The following PKMYT1 variants were observed in gnomAD, a reference collection of about 807,000 sequenced individuals.
PKMYT1 encodes membrane-associated tyrosine- and threonine-specific cdc2-inhibitory kinase.
In PKMYT1, 35 loss-of-function variants were observed where a neutral mutation model predicts 49.7. That is an observed-to-expected ratio of 0.70 (90% confidence interval 0.54 to 0.93). PKMYT1 has a LOEUF of 0.93. Ranked by LOEUF, PKMYT1 falls within the 40% of genes least tolerant of loss-of-function variation. The pLI is 0.00. For missense variants in PKMYT1, 677 were observed against 673.1 expected (o/e 1.01, Z -0.06); for synonymous variants, 331 against 287.6 (o/e 1.15, Z -1.53).
chr16:2,974,333 G>A lies in PKMYT1; in HGVS notation c.1064C>T (p.Ala355Val), dbSNP rs754598670. 1.1e-5 allele frequency: 18 copies of A among 1,607,402 alleles called. No homozygotes were observed. The highest frequency in any genetic ancestry group is 2.5e-6 in the Non-Finnish European group (3 of 1,177,668). Reference sequence around the variant, plus strand: ...CCGCGGCTGCCTCAACACAGGCAGTGCCAGCAGGGCCTCGGCCGTGGCCCG... The same window carrying A: ...CCGCGGCTGCCTCAACACAGGCAGTACCAGCAGGGCCTCGGCCGTGGCCCG... ...KLRATAEALL[A>V]LPVLRQPRAW... The change falls in exon 6 of 9, where the codon GCA (alanine) becomes GTA (valine). Residue 355 changes from alanine (A) to valine (V), a missense_variant. Coordinates refer to ENST00000262300, the MANE Select transcript of PKMYT1 (RefSeq NM_004203.5).
rs1233133362 is a variant in PKMYT1, at chr16:2,974,314, C to G, written c.1083G>C (p.Gln361His). 3 of 1,599,914 alleles carry G rather than the reference C, an allele frequency of 1.9e-6. No individual in the cohort carries two copies. ...ACCACAGCACACCCCAGGCCCGCGG[C>G]TGCCTCAACACAGGCAGTGCCAGCA... The part of the protein sequence containing the change: ...EALLALPVLR[Q>H]PRAWGVLWCM... Residue 361 changes from glutamine (Q) to histidine (H), a missense_variant, in exon 6 of 9, where the codon CAG becomes CAC. Transcript: ENST00000262300.
At chr16:2,973,318 A>G in intron 7 of PKMYT1, 103 bp from the exon 8 acceptor site, 1 of 1,520,082 alleles carries the variant, frequency 6.6e-7, no homozygotes, top group Non-Finnish European at 8.8e-7. Context: ...CCTGACAAAC[A>G]GGCAGGGAGC....
At chr16:2,973,419 C>G in intron 7 of PKMYT1, 1 of 1,533,670 alleles carries the variant, frequency 6.5e-7, no homozygotes, top group South Asian at 1.2e-5. Flanking sequence ...CTCCAAGGCC[C>G]CCTCTGTCCT....
intron 4 of PKMYT1, 34 bp downstream of exon 4, chr16:2,975,285 G>A (rs750415146): frequency 1.3e-6 from 2 of 1,564,198 alleles, no homozygotes; most frequent in Non-Finnish European, 1.7e-6. Flanking sequence ...GCCTCCCACA[G>A]CCTGCCAAAC....
chr16:2,972,907 G>C lies in PKMYT1; in HGVS notation c.*46C>G. On this transcript the variant is annotated 3_prime_UTR_variant, in exon 9 of 9. Transcript: ENST00000262300. ...GCCCCAGCTTTCAAGGGCGACGGGA[G>C]AGACACAGGATAAAAGGTTAAAAGT... The C allele has an allele frequency of 6.4e-7, 1 of 1,562,774 alleles. No individual in the cohort carries two copies. Among genetic ancestry groups the C allele is most frequent in the Non-Finnish European group, 8.7e-7 (1 of 1,151,086 alleles).
chr16:2,976,090 C>T, intron 3 of PKMYT1: 1 of 430,944 alleles, frequency 2.3e-6, no homozygotes, highest in Non-Finnish European at 4.1e-6. Context: ...GAAAAAGCAG[C>T]TGCAGAGCAA....
intron 7 of PKMYT1, chr16:2,973,725 C>G (rs1000174286): frequency 3.7e-6 from 2 of 547,168 alleles, no homozygotes; most frequent in African/African-American, 3.8e-5. Context: ...TATCCCTGGG[C>G]ACTGGCAGCC....
chr16:2,979,607 T>A, intron 2 of PKMYT1, 41 bp downstream of exon 2: 1 of 1,547,332 alleles, frequency 6.5e-7, no homozygotes. Flanking sequence ...GGCCTGTGCA[T>A]CTTAACCCAG....
In PKMYT1 at chr16:2,979,683, T is replaced by G; in HGVS notation, c.-26A>C. 1 of 1,613,848 alleles carries G rather than the reference T, an allele frequency of 6.2e-7. No individual in the cohort carries two copies. On this transcript the variant is annotated 5_prime_UTR_variant, in exon 2 of 9. Transcript: ENST00000262300. ...GACTGGCCTGGCCCAACAGCCTCAGTGGTGGGACGGGGGAGGCAGGAGCAG... is the reference window on the plus strand; with the variant it reads ...GACTGGCCTGGCCCAACAGCCTCAGGGGTGGGACGGGGGAGGCAGGAGCAG...
chr16:2,977,301 G>C, intron 2 of PKMYT1: 1 of 1,281,474 alleles, frequency 7.8e-7, no homozygotes, highest in Non-Finnish European at 1.0e-6. Context: ...TTGCAGTCGG[G>C]TTAAGAGCAA....
intron 5 of PKMYT1, 65 bp downstream of exon 5, chr16:2,974,485 C>A: frequency 6.5e-7 from 1 of 1,537,718 alleles, no homozygotes; most frequent in Non-Finnish European, 8.8e-7. Flanking sequence ...AGCAGTGCCT[C>A]CATGGCCAGC....
At position 2,976,803 on chromosome 16, in the gene PKMYT1, C is replaced by T. The variant is rs558592733; in HGVS notation, c.239G>A (p.Arg80Gln). 29 of 1,575,844 alleles carry T rather than the reference C, an allele frequency of 1.8e-5. No homozygotes were observed. Among genetic ancestry groups the T allele is most frequent in the South Asian group, 3.4e-5 (3 of 87,020 alleles). Residue 80 changes from arginine (R) to glutamine (Q), a missense_variant, in exon 3 of 9, where the codon CGG (arginine) becomes CAG (glutamine). Coordinates refer to ENST00000262300, the MANE Select transcript of PKMYT1 (RefSeq NM_004203.5). ...RTPGWHQLQP[R>Q]RVSFRGEASE... is the part of the protein sequence containing the mutation. ...GGCCTCGCCCCGGAATGACACCCGC[C>T]GGGGCTGCAGCTGGTGCCAGCCTGG...
At chr16:2,973,850 G>A in intron 7 of PKMYT1, 150 bp downstream of exon 7, 1 of 878,298 alleles carries the variant, frequency 1.1e-6, no homozygotes, top group South Asian at 1.7e-5. Flanking sequence ...GCCTGGCCAG[G>A]CCACACACCC....
chr16:2,974,113 G>T lies in PKMYT1; in HGVS notation c.1197C>A (p.His399Gln), dbSNP rs1302821619. The change falls in exon 7 of 9, where the codon CAC becomes CAA. Residue 399 changes from histidine (H) to glutamine (Q), a missense_variant. Physicochemically the swap from His to Gln is conservative, Grantham distance 24 (BLOSUM62 0). Transcript: ENST00000262300. ...LLCWLWHGLA[H>Q]PASWLQPLGP... ...CCAGGGGCTGTAGCCAGCTGGCAGG[G>T]TGAGCCAGCCCATGCCAGAGCCAGC... 1 of 1,606,568 alleles carries T rather than the reference G, an allele frequency of 6.2e-7. No individual in the cohort carries two copies. Among genetic ancestry groups the T allele is most frequent in the Admixed American group, 1.7e-5 (1 of 59,354 alleles).
rs1249749814 is a variant in PKMYT1 at position 2,980,296 on chromosome 16, T to A, written c.-266A>T. On this transcript the variant is annotated 5_prime_UTR_variant, in exon 1 of 9. Transcript: ENST00000262300. Reference sequence around the variant, plus strand: ...GGGGTCTGGGCTCACCTGGGGCGACTGGGCGGGGCGCGGGTCCGCGAGGGC... The same window carrying A: ...GGGGTCTGGGCTCACCTGGGGCGACAGGGCGGGGCGCGGGTCCGCGAGGGC... 2.0e-5 allele frequency: 3 copies of A among 150,528 alleles called. No homozygotes were observed. Among genetic ancestry groups the A allele is most frequent in the African/African-American group, 7.4e-5 (3 of 40,506 alleles). 9.3% of individuals were successfully genotyped at this position (150,528 alleles called of 1,614,324 possible).
chr16:2,976,031 G>A (rs1018495634), intron 3 of PKMYT1: 1 of 578,278 alleles, frequency 1.7e-6, no homozygotes, highest in African/African-American at 1.9e-5. Context: ...GAGGAGCCAG[G>A]GCCGACCTGC....
intron 7 of PKMYT1, 91 bp from the exon 8 acceptor site, chr16:2,973,306 C>A: frequency 6.6e-7 from 1 of 1,514,916 alleles, no homozygotes; most frequent in South Asian, 1.3e-5. Context: ...TCCAGGCTCC[C>A]GCCTGACAAA....
Position 2,973,030 on chromosome 16 carries a change from G to C in PKMYT1, c.1423C>G (p.Pro475Ala). 1.9e-6 allele frequency: 3 copies of C among 1,609,244 alleles called. No homozygotes were observed. Among genetic ancestry groups the C allele is most frequent in the South Asian group, 2.2e-5 (2 of 89,562 alleles). Residue 475 changes from proline (P) to alanine (A), a missense_variant, in exon 9 of 9, where the codon CCT becomes GCT. By Grantham distance (27) the Pro-to-Ala change is conservative. Transcript: ENST00000262300. ...ALDLSDINSE[P>A]PRGSFPSFEP... ...AAGGAGGGGAAGGAGCCCCGAGGAG[G>C]CTCTGAGTTGATGTCACTTAGGTCC...
rs369498736 is a variant in PKMYT1, at chr16:2,976,650, G to A, written c.378+14C>T. 5.6e-6 allele frequency: 8 copies of A among 1,438,874 alleles called. No individual in the cohort carries two copies. Among genetic ancestry groups the A allele is most frequent in the South Asian group, 5.2e-5 (3 of 58,208 alleles). 89.1% of individuals were successfully genotyped at this position (1,438,874 alleles called of 1,614,324 possible). On this transcript the variant is annotated intron_variant, in intron 3 of 8. Coordinates refer to ENST00000262300, the MANE Select transcript of PKMYT1 (RefSeq NM_004203.5). ...GGTCCCCCAGATGGGCCTAGAAGCC[G>A]TCCCCTCACTCACCTTGAAGACCTC... is the stretch of plus-strand genomic sequence containing the variant.
Sources: allele counts gnomAD v4.1 joint callset, GRCh38; gene constraint gnomAD v4.1.1; transcripts MANE v1.5; gene names NCBI Gene and HGNC (gene_info 2026-07-23, HGNC 2026-07-21).